The following FBXL4 variants were observed in gnomAD, a reference collection of about 807,000 sequenced individuals.
FBXL4 encodes F-box/LRR-repeat protein 4.
Under a neutral mutation model 58.9 loss-of-function variants are expected in FBXL4, and 40 were observed. The ratio of observed to expected loss-of-function variants is 0.68; its 90% confidence interval spans 0.53 to 0.88. The LOEUF (loss-of-function observed/expected upper bound fraction) is 0.88, where lower values mean the gene tolerates loss of function less well. FBXL4 is among the 40% of genes least tolerant of loss of function. The pLI is 0.00. For missense variants in FBXL4, 676 were observed against 734.4 expected, an observed-to-expected ratio of 0.92 and a Z score of 0.92; for synonymous variants, 263 against 265.5, an observed-to-expected ratio of 0.99 and a Z score of 0.09.
chr6:98,918,476 C>G (rs1013323280), intron 4 of FBXL4, among the ~76,000 whole-genome samples: 1 of 152,122 alleles, frequency 6.6e-6, no homozygotes, highest in African/African-American at 2.4e-5. Context: ...CTACTATTAT[C>G]TGCATATCTA....
At chr6:98,923,543 C>T (rs1204333279) in intron 4 of FBXL4, among the ~76,000 whole-genome samples, 1 of 152,158 alleles carries the variant, frequency 6.6e-6, no homozygotes, top group Non-Finnish European at 1.5e-5. Context: ...TCCTCCTTTC[C>T]TATCCACACT....
chr6:98,921,016 G>A (rs1204102514), intron 4 of FBXL4, among the ~76,000 whole-genome samples: 1 of 152,046 alleles, frequency 6.6e-6, no homozygotes, highest in African/African-American at 2.4e-5. Flanking sequence ...AAACTCTAAT[G>A]TACTCTTTAA....
At chr6:98,941,816 C>A (rs1162394530) in intron 1 of FBXL4, among the ~76,000 whole-genome samples, 3 of 152,076 alleles carry the variant, frequency 2.0e-5, no homozygotes, top group African/African-American at 7.2e-5. Flanking sequence ...GCAATTACAG[C>A]AAATGGCATT....
chr6:98,908,037 T>C (rs1311674664), intron 5 of FBXL4, among the ~76,000 whole-genome samples: 3 of 152,148 alleles, frequency 2.0e-5, no homozygotes, highest in Admixed American at 6.5e-5. Flanking sequence ...CCTAGAACGA[T>C]TGAATAATTT....
intron 5 of FBXL4, among the ~76,000 whole-genome samples, chr6:98,910,789 C>T (rs1772017011): frequency 6.6e-6 from 1 of 152,294 alleles, no homozygotes; most frequent in Non-Finnish European, 1.5e-5. Flanking sequence ...ATCTGAGGTA[C>T]CGGGTTCATC....
intron 1 of FBXL4, among the ~76,000 whole-genome samples, chr6:98,941,653 C>G (rs556542885): frequency 6.6e-6 from 1 of 152,290 alleles, no homozygotes; most frequent in African/African-American, 2.4e-5. Flanking sequence ...GCCCCAACCA[C>G]TCATCTTGCC....
intron 5 of FBXL4, 40 bp downstream of exon 5, chr6:98,917,334 G>T: frequency 7.6e-7 from 1 of 1,318,274 alleles, no homozygotes; most frequent in Non-Finnish European, 1.0e-6. Flanking sequence ...AAAATCTATA[G>T]TGTTATATCC....
intron 4 of FBXL4, among the ~76,000 whole-genome samples, chr6:98,923,480 T>A (rs1772661288): frequency 6.6e-6 from 1 of 152,194 alleles, no homozygotes. Context: ...TCTCACTTCT[T>A]CAAACACCAT....
In FBXL4 at chr6:98,869,495, T is replaced by C. The variant is rs1770439400; in HGVS notation, c.*4783A>G. 1.3e-5 allele frequency: 2 copies of C among 152,198 alleles called. No individual in the cohort carries two copies. Among genetic ancestry groups the C allele is most frequent in the African/African-American group, 4.8e-5 (2 of 41,422 alleles). The allele number at this position is 152,198 out of a possible 1,614,324, so 9.4% of individuals were successfully genotyped here. ...AAAAAATAAAAAAATTAGCCAGGTG[T>C]GGTGGTGTCTGTAGTCCCAGGTACT... On this transcript the variant is annotated 3_prime_UTR_variant, in exon 10 of 10. Transcript: ENST00000369244.
intron 5 of FBXL4, among the ~76,000 whole-genome samples, chr6:98,907,669 TGA>T (rs1171885973): frequency 2.0e-5 from 3 of 152,130 alleles, no homozygotes. Flanking sequence ...CTTATTTAGA[TGA>T]GAGAGGGTTT....
chr6:98,874,519 A>G, intron 9 of FBXL4, 78 bp from the exon 10 acceptor site: 1 of 1,400,616 alleles, frequency 7.1e-7, no homozygotes, highest in Non-Finnish European at 9.6e-7. Flanking sequence ...CAATGAATCC[A>G]TCCATGATTT....
intron 8 of FBXL4, among the ~76,000 whole-genome samples, chr6:98,878,946 G>A (rs948168204): frequency 2.6e-5 from 4 of 152,132 alleles, no homozygotes; most frequent in Admixed American, 2.6e-4. Flanking sequence ...CAGAAGTGAG[G>A]AAAATCTAGT....
At chr6:98,899,210 A>C in intron 7 of FBXL4, 58 bp downstream of exon 7, 3 of 1,590,852 alleles carry the variant, frequency 1.9e-6, no homozygotes, top group Non-Finnish European at 2.6e-6. Flanking sequence ...ATTACAGAAA[A>C]CCAAATCTTC....
intron 6 of FBXL4, among the ~76,000 whole-genome samples, chr6:98,904,931 C>T (rs578139686): frequency 9.5e-4 from 145 of 152,216 alleles, no homozygotes; most frequent in Non-Finnish European, 1.7e-3. Context: ...CAAGTGTGGT[C>T]GTCTATTTAG....
intron 7 of FBXL4, among the ~76,000 whole-genome samples, chr6:98,894,243 A>G (rs1187229988): frequency 1.3e-5 from 2 of 152,240 alleles, no homozygotes; most frequent in African/African-American, 2.4e-5. Flanking sequence ...CTTGCAATCA[A>G]TGCTTTATCG....
At chr6:98,935,295 G>C (rs1773166513) in intron 1 of FBXL4, among the ~76,000 whole-genome samples, 2 of 149,662 alleles carry the variant, frequency 1.3e-5, no homozygotes, top group South Asian at 4.2e-4. Flanking sequence ...AGGATGAGTG[G>C]AATGGTTTTT....
In FBXL4 at chr6:98,910,043, T is replaced by C. The variant is rs147406555; in HGVS notation, c.859-4373A>G. Among the ~76,000 whole-genome samples, 197 of 152,340 alleles carry C rather than the reference T, an allele frequency of 1.3e-3. 11 individuals carry two copies. The South Asian group carries it at 0.022, about 17-fold the overall frequency. On this transcript the variant is annotated intron_variant, in intron 5 of 9. Coordinates refer to ENST00000369244, the MANE Select transcript of FBXL4 (RefSeq NM_001278716.2). ...AGTTAAGCTATTTGTGTTATTTCCATGAAATCTGAAATACACATCAATTTG... is the reference window on the plus strand; with the variant it reads ...AGTTAAGCTATTTGTGTTATTTCCACGAAATCTGAAATACACATCAATTTG...
intron 1 of FBXL4, among the ~76,000 whole-genome samples, 183 bp downstream of exon 1, chr6:98,947,623 C>G (rs1323164730): frequency 6.6e-6 from 1 of 152,130 alleles, no homozygotes; most frequent in Admixed American, 6.5e-5. Flanking sequence ...GCCCCGCAAG[C>G]GTGAAGCGGA....
At chr6:98,938,925 T>A in intron 1 of FBXL4, among the ~76,000 whole-genome samples, 1 of 150,562 alleles carries the variant, frequency 6.6e-6, no homozygotes, top group Admixed American at 6.6e-5. Flanking sequence ...TCTACAAAAA[T>A]AAAAAATAAA....
Sources: gnomAD v4.1 joint callset for allele counts (sites outside exome capture counted in the v4.1 genomes callset) on GRCh38, gnomAD v4.1.1 for gene constraint, MANE v1.5 for transcripts, NCBI Gene and HGNC (gene_info 2026-07-23, HGNC 2026-07-21) for gene names.